Variants in FERMT1 observed in about 807,000 individuals in gnomAD.
FERMT1 encodes the protein FERM domain containing kindlin 1, also known as fermitin family homolog 1.
FERMT1 carries 60 observed loss-of-function variants against 85.3 expected under a neutral mutation model. The ratio of observed to expected loss-of-function variants is 0.70; its 90% CI spans 0.57 to 0.87. The LOEUF (loss-of-function observed/expected upper bound fraction) is 0.87, where lower values mean the gene tolerates loss of function less well. Ranked by LOEUF, FERMT1 falls within the 40% of genes least tolerant of loss-of-function variation. The probability of loss-of-function intolerance (pLI) is 0.00; values close to 1 mark genes in which losing one functional copy is unlikely to be tolerated. For missense variants in FERMT1, 701 were observed against 818.9 expected (o/e 0.86, Z 1.76); for synonymous variants, 275 against 301.1 (o/e 0.91, Z 0.90).
chr20:6,113,097 T>A (rs1268488754), intron 3 of FERMT1, among the ~76,000 whole-genome samples: 1 of 152,122 alleles, frequency 6.6e-6, no homozygotes, highest in African/African-American at 2.4e-5. Context: ...AATTGAATCA[T>A]GGGGGCAGGT....
chr20:6,088,180 TTAAAA>T (rs1297536739), intron 10 of FERMT1, among the ~76,000 whole-genome samples: 3 of 152,192 alleles, frequency 2.0e-5, no homozygotes, highest in Non-Finnish European at 2.9e-5. Context: ...GATATGAACT[TTAAAA>T]TAAATCAAAG....
intron 2 of FERMT1, among the ~76,000 whole-genome samples, chr20:6,118,606 G>A (rs1220678209): frequency 1.3e-5 from 2 of 152,114 alleles, no homozygotes; most frequent in African/African-American, 4.8e-5. Flanking sequence ...CGCATCTAAG[G>A]CCTTAAATAG....
chr20:6,109,464 AG>A (rs1982885582), intron 5 of FERMT1, among the ~76,000 whole-genome samples: 2 of 152,216 alleles, frequency 1.3e-5, no homozygotes, highest in Non-Finnish European at 2.9e-5. Context: ...TCTTCTAGGA[AG>A]GTGAATGCTG....
intron 6 of FERMT1, among the ~76,000 whole-genome samples, chr20:6,100,604 A>G (rs1982636664): frequency 6.6e-6 from 1 of 152,234 alleles, no homozygotes; most frequent in Non-Finnish European, 1.5e-5. Flanking sequence ...TATGGCATGT[A>G]AATTATATCT....
Position 6,112,544 on chromosome 20 carries a change from A to C in FERMT1, c.465T>G (p.Asn155Lys). The C allele has an allele frequency of 6.2e-7, 1 of 1,611,508 alleles. No homozygotes were observed. The highest frequency in any genetic ancestry group is 8.5e-7 in the Non-Finnish European group (1 of 1,178,756). ...YFKKKKKKDK[N>K]NKEPIIEDIL... ...TATCTTCAATTATGGGTTCCTTATT[A>C]TTTTTGTCTTTTTTCTTCTTCTTCT... is the stretch of plus-strand genomic sequence containing the variant. Residue 155 changes from asparagine to lysine, a missense_variant, in exon 4 of 15, where the codon AAT becomes AAG. Coordinates refer to ENST00000217289, the MANE Select transcript of FERMT1 (RefSeq NM_017671.5).
chr20:6,122,887 G>C lies in FERMT1; in HGVS notation c.-132C>G, dbSNP rs1983320891. 1 of 152,642 alleles carries C rather than the reference G, an allele frequency of 6.6e-6. No homozygotes were observed. The allele number at this position is 152,642 out of a possible 1,614,324, so 9.5% of individuals were successfully genotyped here. A position where few individuals can be genotyped will look rare whatever the true frequency, so the allele number is the denominator to read the frequency against. On this transcript the variant is annotated 5_prime_UTR_variant, in exon 1 of 15. Transcript: ENST00000217289. ...AGCGGGCGCTGGCGAAGTGGGGAGC[G>C]GGGGGCGCCCAGTGGCGGCGGCTGC...
chr20:6,086,998 C>T (rs1028908924), intron 11 of FERMT1, among the ~76,000 whole-genome samples: 5 of 152,144 alleles, frequency 3.3e-5, no homozygotes, highest in Admixed American at 1.3e-4. Context: ...GAGGAATTCC[C>T]ATCCCTTGAC....
At chr20:6,103,925 C>CAACA (rs1320983531) in intron 6 of FERMT1, among the ~76,000 whole-genome samples, 1 of 151,804 alleles carries the variant, frequency 6.6e-6, no homozygotes. Context: ...GGCTGTAGTG[C>CAACA]AACAGCATGA....
intron 11 of FERMT1, among the ~76,000 whole-genome samples, chr20:6,086,514 G>A (rs1414354504): frequency 6.6e-6 from 1 of 152,164 alleles, no homozygotes; most frequent in African/African-American, 2.4e-5. Context: ...AACAGTGGGT[G>A]AGGAACGTTG....
chr20:6,089,416 G>T (rs917056577), intron 9 of FERMT1, among the ~76,000 whole-genome samples: 5 of 152,182 alleles, frequency 3.3e-5, no homozygotes, highest in South Asian at 2.1e-4. Context: ...CAGGGCTTTT[G>T]TGAGGACAGA....
At chr20:6,080,748 T>C (rs1198880984) in intron 13 of FERMT1, among the ~76,000 whole-genome samples, 2 of 152,202 alleles carry the variant, frequency 1.3e-5, no homozygotes, top group Non-Finnish European at 2.9e-5. Flanking sequence ...GGCGAGGAGT[T>C]GCCTTCTACT....
chr20:6,107,121 G>A (rs181422629), intron 6 of FERMT1, among the ~76,000 whole-genome samples: 83 of 151,382 alleles, frequency 5.5e-4, no homozygotes, highest in African/African-American at 1.7e-3. Context: ...GCTTGAACCC[G>A]GGAGGTGGAG....
rs781039429 is a variant in FERMT1, at chr20:6,097,051, G to A, written c.958-18C>T. On this transcript the variant is annotated intron_variant, in intron 7 of 14. Coordinates refer to ENST00000217289, the MANE Select transcript of FERMT1 (RefSeq NM_017671.5). The stretch of plus-strand genomic sequence containing the variant: ...ATGTGGTACTAAAATGAAAACAGAC[G>A]TTTTAGAAATGTTATAAACAGAAAT... The A allele has an allele frequency of 3.8e-5, 61 of 1,609,902 alleles. No homozygotes were observed. The highest frequency in any genetic ancestry group is 3.3e-4 in the Middle Eastern group (2 of 6,070).
At chr20:6,083,491 C>T (rs1169969394) in intron 13 of FERMT1, among the ~76,000 whole-genome samples, 1 of 152,004 alleles carries the variant, frequency 6.6e-6, no homozygotes, top group African/African-American at 2.4e-5. Context: ...TGCAAAGCCA[C>T]ACCACGAGAC....
intron 8 of FERMT1, among the ~76,000 whole-genome samples, 169 bp from the exon 9 acceptor site, chr20:6,095,157 A>G (rs1437111719): frequency 6.6e-6 from 1 of 152,182 alleles, no homozygotes; most frequent in Non-Finnish European, 1.5e-5. Flanking sequence ...CACTCGCTAC[A>G]TTTCTGATAG....
Position 6,077,002 on chromosome 20 carries a change from GT to G in FERMT1, c.*170del. On this transcript the variant is annotated 3_prime_UTR_variant, in exon 15 of 15. Coordinates refer to ENST00000217289, the MANE Select transcript of FERMT1 (RefSeq NM_017671.5). ...TCCGTGGCTGGTAGCACAGGGCAAA[GT>G]AAGGAAAGGGATGTGCCAGCAGTGG... 1.1e-5 allele frequency: 8 copies of G among 699,522 alleles called. No individual in the cohort carries two copies. The South Asian group carries it at 1.3e-4, about 12-fold the overall frequency. The allele number at this position is 699,522 out of a possible 1,614,324, so 43.3% of individuals were successfully genotyped here. A position where few individuals can be genotyped will look rare whatever the true frequency, so the allele number is the denominator to read the frequency against.
At chr20:6,088,754 G>T (rs1482573685) in intron 10 of FERMT1, among the ~76,000 whole-genome samples, 1 of 151,364 alleles carries the variant, frequency 6.6e-6, no homozygotes, top group African/African-American at 2.4e-5. Context: ...CTCCCAAGTA[G>T]CTGGGACTAC....
intron 8 of FERMT1, among the ~76,000 whole-genome samples, chr20:6,096,172 G>C (rs1195474950): frequency 1.3e-5 from 2 of 152,192 alleles, no homozygotes; most frequent in Non-Finnish European, 2.9e-5. Flanking sequence ...CACAACTTTG[G>C]TCAAGCTTGT....
rs143272406 is a variant in FERMT1, at chr20:6,106,963, C to T, written c.849+569G>A. On this transcript the variant is annotated intron_variant, in intron 6 of 14. Coordinates refer to ENST00000217289, the MANE Select transcript of FERMT1 (RefSeq NM_017671.5). Reference sequence around the variant, plus strand: ...CTGTAATCCCAGCACTTTGGGAGGCCGAGGTGGGAGGATCATGAGGTCAGT... The same window carrying T: ...CTGTAATCCCAGCACTTTGGGAGGCTGAGGTGGGAGGATCATGAGGTCAGT... Among the ~76,000 whole-genome samples, 280 of 152,096 alleles carry T rather than the reference C, an allele frequency of 1.8e-3. 1 individual carries two copies. The highest frequency in any genetic ancestry group is 0.01 in the Middle Eastern group (3 of 294).
Sources: gnomAD v4.1 joint callset for allele counts (sites outside exome capture counted in the v4.1 genomes callset) on GRCh38, gnomAD v4.1.1 for gene constraint, MANE v1.5 for transcripts, NCBI Gene and HGNC (gene_info 2026-07-23, HGNC 2026-07-21) for gene names.